Variants in LUZP2 observed in about 807,000 individuals in gnomAD.
LUZP2 encodes the protein leucine zipper protein 2.
A neutral mutation model predicts 51.6 loss-of-function variants in LUZP2; 52 were observed. That is an observed-to-expected ratio of 1.01 (90% CI 0.81 to 1.27). LUZP2 has a LOEUF of 1.27. Ranked by LOEUF, LUZP2 falls within the 50% of genes most tolerant of loss-of-function variation. LUZP2 has a pLI of 0.00. For missense variants in LUZP2, 436 were observed against 395.4 expected, an observed-to-expected ratio of 1.10 and a Z score of -0.87; for synonymous variants, 154 against 137.3, an observed-to-expected ratio of 1.12 and a Z score of -0.85.
intron 7 of LUZP2, among the ~76,000 whole-genome samples, chr11:24,950,644 C>T (rs932974839): frequency 6.6e-6 from 1 of 151,628 alleles, no homozygotes; most frequent in African/African-American, 2.4e-5. Context: ...ATTATAAAGA[C>T]CATTTTTTGC....
At chr11:25,066,969 A>G (rs55881780) in intron 10 of LUZP2, among the ~76,000 whole-genome samples, 3,062 of 152,054 alleles carry the variant, frequency 0.02, 41 homozygotes, top group South Asian at 0.033. Flanking sequence ...GAACCTACAT[A>G]TGGCAATTAA....
At position 24,983,292 on chromosome 11, in the gene LUZP2, A is replaced by G. The variant is rs1856093118; in HGVS notation, c.764A>G (p.Lys255Arg). The change falls in exon 9 of 12, where the codon AAG (lysine) becomes AGG (arginine). Residue 255 changes from lysine to arginine, a missense_variant and splice_region_variant. Lys to Arg is a conservative substitution (Grantham distance 26). Transcript: ENST00000336930. ...SKLPDAAAKSKPQQSASGNNE... is the reference protein window; with the variant it reads ...SKLPDAAAKSRPQQSASGNNE... Reference sequence around the variant, plus strand: ...CTTCCAGATGCAGCGGCCAAAAGCAAGGTACCTACCTTTTATTTGCGCTTT... The same window carrying G: ...CTTCCAGATGCAGCGGCCAAAAGCAGGGTACCTACCTTTTATTTGCGCTTT... 6.2e-7 allele frequency: 1 copy of G among 1,611,490 alleles called. No individual in the cohort carries two copies. Among genetic ancestry groups the G allele is most frequent in the African/African-American group, 1.3e-5 (1 of 74,846 alleles).
chr11:24,926,613 G>A (rs1346696749), intron 7 of LUZP2, among the ~76,000 whole-genome samples: 2 of 144,094 alleles, frequency 1.4e-5, no homozygotes, highest in Non-Finnish European at 3.0e-5. Flanking sequence ...GTGTATATAT[G>A]TATATATATA....
intron 5 of LUZP2, among the ~76,000 whole-genome samples, chr11:24,868,705 A>G (rs537636426): frequency 3.3e-5 from 5 of 152,286 alleles, no homozygotes; most frequent in South Asian, 4.1e-4. Context: ...AGCAATTTTA[A>G]CATAAATTAA....
chr11:24,569,416 T>C (rs905567630), intron 1 of LUZP2, among the ~76,000 whole-genome samples: 1 of 152,070 alleles, frequency 6.6e-6, no homozygotes, highest in African/African-American at 2.4e-5. Flanking sequence ...CCTTTTAAAA[T>C]GTAGACTTCT....
At chr11:24,942,816 T>C (rs1854791523) in intron 7 of LUZP2, among the ~76,000 whole-genome samples, 1 of 152,226 alleles carries the variant, frequency 6.6e-6, no homozygotes, top group South Asian at 2.1e-4. Flanking sequence ...TCATAAAGTT[T>C]GTCCTTGTGT....
intron 10 of LUZP2, among the ~76,000 whole-genome samples, chr11:25,055,286 G>A (rs927495477): frequency 6.6e-6 from 1 of 152,018 alleles, no homozygotes; most frequent in Admixed American, 6.5e-5. Flanking sequence ...TGGGATTACA[G>A]GCGTAAGCCA....
chr11:25,003,646 G>A (rs1398058605), intron 9 of LUZP2, among the ~76,000 whole-genome samples: 2 of 152,110 alleles, frequency 1.3e-5, no homozygotes, highest in African/African-American at 4.8e-5. Flanking sequence ...TAAGCTTCAG[G>A]CCTTAAGGGA....
intron 5 of LUZP2, among the ~76,000 whole-genome samples, chr11:24,784,817 G>T (rs1172904962): frequency 6.6e-6 from 1 of 151,916 alleles, no homozygotes; most frequent in African/African-American, 2.4e-5. Flanking sequence ...TATTATTGAT[G>T]GGAACATATA....
intron 5 of LUZP2, among the ~76,000 whole-genome samples, chr11:24,885,559 T>C (rs1852643212): frequency 6.6e-6 from 1 of 152,146 alleles, no homozygotes; most frequent in African/African-American, 2.4e-5. Flanking sequence ...AGTGATATTG[T>C]ATGGGTGAGA....
chr11:24,882,539 A>T (rs1447918573), intron 5 of LUZP2, among the ~76,000 whole-genome samples: 2 of 152,078 alleles, frequency 1.3e-5, no homozygotes, highest in African/African-American at 2.4e-5. Flanking sequence ...GTATAATGAC[A>T]TGTATCCATC....
At chr11:24,575,542 A>C (rs1852616683) in intron 1 of LUZP2, among the ~76,000 whole-genome samples, 1 of 152,168 alleles carries the variant, frequency 6.6e-6, no homozygotes, top group African/African-American at 2.4e-5. Context: ...GATTCCTGTG[A>C]TATATTCTGC....
intron 7 of LUZP2, among the ~76,000 whole-genome samples, chr11:24,939,451 A>G (rs188970915): frequency 4.9e-4 from 75 of 152,182 alleles, no homozygotes; most frequent in African/African-American, 1.7e-3. Context: ...CAGTAAACCT[A>G]TTAGTACCTT....
At chr11:24,895,306 A>T (rs1287476610) in intron 5 of LUZP2, among the ~76,000 whole-genome samples, 1 of 152,180 alleles carries the variant, frequency 6.6e-6, no homozygotes, top group Admixed American at 6.5e-5. Context: ...AACTTAAGGA[A>T]TGAGTATATA....
rs4329636 is a variant in LUZP2, at chr11:24,974,839, G to T, written c.523-1752G>T. The stretch of plus-strand genomic sequence containing the variant: ...CCAAAGCATATTGAGCAAGGGGCAA[G>T]TGGTAGGAAAGAAAGATTGAGAAGG... On this transcript the variant is annotated intron_variant, in intron 7 of 11. Coordinates refer to ENST00000336930, the MANE Select transcript of LUZP2 (RefSeq NM_001009909.4). Among the ~76,000 whole-genome samples, 1,032 of 152,188 alleles carry T rather than the reference G, an allele frequency of 6.8e-3. 21 individuals carry two copies. In the East Asian group the frequency reaches 0.074, roughly 11 times the overall value.
intron 1 of LUZP2, among the ~76,000 whole-genome samples, chr11:24,567,612 A>G (rs1852287585): frequency 6.6e-6 from 1 of 152,108 alleles, no homozygotes; most frequent in South Asian, 2.1e-4. Flanking sequence ...AGGTAACCCC[A>G]ATAAGATTAA....
intron 5 of LUZP2, chr11:24,893,410 T>C (rs1446595326): frequency 6.6e-6 from 1 of 152,098 alleles, no homozygotes; most frequent in African/African-American, 2.4e-5. Context: ...TGTAGAGTAT[T>C]TCTATACACA....
chr11:24,775,971 T>A (rs1414623746), intron 5 of LUZP2, among the ~76,000 whole-genome samples: 1 of 152,148 alleles, frequency 6.6e-6, no homozygotes, highest in Non-Finnish European at 1.5e-5. Context: ...TGTTATTGGG[T>A]TCTGAGTTAA....
At chr11:24,944,771 G>A (rs1370158943) in intron 7 of LUZP2, among the ~76,000 whole-genome samples, 3 of 152,130 alleles carry the variant, frequency 2.0e-5, no homozygotes. Context: ...AGTGAAAGGA[G>A]CTAGTGGTGA....
Sources: gnomAD v4.1 joint callset for allele counts (sites outside exome capture counted in the v4.1 genomes callset) on GRCh38, gnomAD v4.1.1 for gene constraint, MANE v1.5 for transcripts, NCBI Gene and HGNC (gene_info 2026-07-23, HGNC 2026-07-21) for gene names.